Variants in PCMTD1 observed in about 807,000 individuals in gnomAD.
The protein encoded by PCMTD1 is protein-L-isoaspartate O-methyltransferase domain-containing protein 1.
In PCMTD1, 12 loss-of-function variants were observed where a neutral mutation model predicts 37.6. That is an observed-to-expected ratio of 0.32 (90% CI 0.20 to 0.52). PCMTD1 has a LOEUF of 0.52. Ranked by LOEUF, PCMTD1 falls within the 20% of genes least tolerant of loss-of-function variation. The probability of loss-of-function intolerance (pLI) is 0.97; values close to 1 mark genes in which losing one functional copy is unlikely to be tolerated. For missense variants in PCMTD1, 235 were observed against 421.3 expected (o/e 0.56, Z 3.87); for synonymous variants, 117 against 135.8 (o/e 0.86, Z 0.96).
intron 2 of PCMTD1, 46 bp from the exon 3 acceptor site, chr8:51,845,809 C>T (rs1563343660): frequency 3.0e-6 from 4 of 1,326,920 alleles, no homozygotes; most frequent in Non-Finnish European, 3.2e-6. Context: ...ATAATATGCC[C>T]TTACAGAGCT....
intron 2 of PCMTD1, among the ~76,000 whole-genome samples, chr8:51,857,282 C>T (rs954956561): frequency 2.0e-5 from 3 of 152,190 alleles, no homozygotes; most frequent in Non-Finnish European, 2.9e-5. Flanking sequence ...CTAGCAGTCT[C>T]CCCAGAGTCA....
intron 2 of PCMTD1, among the ~76,000 whole-genome samples, chr8:51,855,256 G>A (rs1313929998): frequency 6.7e-6 from 1 of 149,682 alleles, no homozygotes; most frequent in African/African-American, 2.5e-5. Context: ...AGCAAGGCAT[G>A]GTGGCTCACA....
intron 3 of PCMTD1, among the ~76,000 whole-genome samples, chr8:51,834,444 CTTTA>C (rs942935417): frequency 4.6e-4 from 70 of 152,272 alleles, no homozygotes; most frequent in African/African-American, 1.6e-3. Flanking sequence ...TGGACTTCTA[CTTTA>C]TTTCTTAAAT....
intron 1 of PCMTD1, among the ~76,000 whole-genome samples, chr8:51,884,835 T>C (rs1210790599): frequency 6.6e-6 from 1 of 152,212 alleles, no homozygotes; most frequent in Admixed American, 6.5e-5. Flanking sequence ...TGCCATCCAA[T>C]AAGCCATTGA....
intron 1 of PCMTD1, among the ~76,000 whole-genome samples, chr8:51,861,724 T>A (rs11299313): frequency 3.0e-4 from 41 of 137,476 alleles, no homozygotes; most frequent in Middle Eastern, 3.7e-3. Context: ...GTTTTTTTTT[T>A]AATTTTTTTT....
chr8:51,895,978 C>T (rs2038995899), intron 1 of PCMTD1: 2 of 117,542 alleles, frequency 1.7e-5, no homozygotes, highest in African/African-American at 6.4e-5. Flanking sequence ...CAGAGTCTCA[C>T]TCTTTTGACC....
At chr8:51,843,988 C>T (rs2038182840) in intron 3 of PCMTD1, among the ~76,000 whole-genome samples, 1 of 152,054 alleles carries the variant, frequency 6.6e-6, no homozygotes, top group Non-Finnish European at 1.5e-5. Flanking sequence ...TCAAAAAGCC[C>T]TTCTGTGTAC....
intron 5 of PCMTD1, 37 bp from the exon 6 acceptor site, chr8:51,820,755 A>G: frequency 6.6e-7 from 1 of 1,509,090 alleles, no homozygotes; most frequent in Non-Finnish European, 8.8e-7. Flanking sequence ...AGAAAATATT[A>G]ACAATAAAAC....
At chr8:51,831,266 C>A (rs1358518258) in intron 5 of PCMTD1, among the ~76,000 whole-genome samples, 178 bp downstream of exon 5, 2 of 149,552 alleles carry the variant, frequency 1.3e-5, no homozygotes, top group Non-Finnish European at 3.0e-5. Flanking sequence ...CCACTGCACT[C>A]GAGCCTGGGC....
chr8:51,887,125 C>A lies in PCMTD1; in HGVS notation c.-96+11805G>T, dbSNP rs2038875539. Among the ~76,000 whole-genome samples the A allele has an allele frequency of 2.0e-5, 3 of 152,216 alleles. No individual in the cohort carries two copies. The South Asian group carries it at 6.2e-4, about 32-fold the overall frequency. On this transcript the variant is annotated intron_variant, in intron 1 of 5. Coordinates refer to ENST00000522514, the MANE Select transcript of PCMTD1 (RefSeq NM_052937.4). ...TTACACTGGGCTTATCGGGATAATC[C>A]AGGATAATCTTCCTATCTTAAACTG...
chr8:51,894,789 CAAA>C (rs35399725), intron 1 of PCMTD1, among the ~76,000 whole-genome samples: 2 of 138,136 alleles, frequency 1.4e-5, no homozygotes. Flanking sequence ...AGTAAGATGA[CAAA>C]AAAAAAAAAA....
intron 1 of PCMTD1, among the ~76,000 whole-genome samples, chr8:51,891,485 G>A (rs910847611): frequency 1.3e-4 from 20 of 152,018 alleles, no homozygotes; most frequent in Admixed American, 1.0e-3. Context: ...GAGGTCAGGA[G>A]GTGGAGGATG....
At chr8:51,850,725 C>T (rs1023656484) in intron 2 of PCMTD1, among the ~76,000 whole-genome samples, 1 of 152,020 alleles carries the variant, frequency 6.6e-6, no homozygotes, top group African/African-American at 2.4e-5. Flanking sequence ...TAGGTTTCTA[C>T]GAAACTAATA....
At chr8:51,826,194 G>A (rs2129273776) in intron 5 of PCMTD1, among the ~76,000 whole-genome samples, 1 of 152,296 alleles carries the variant, frequency 6.6e-6, no homozygotes. Context: ...ATAAAAAAAG[G>A]ATGAGTTCAT....
At chr8:51,830,594 G>C (rs1440059992) in intron 5 of PCMTD1, among the ~76,000 whole-genome samples, 2 of 152,106 alleles carry the variant, frequency 1.3e-5, no homozygotes, top group Admixed American at 6.5e-5. Context: ...AAAGCCACCT[G>C]ACTGGCCTGC....
intron 4 of PCMTD1, among the ~76,000 whole-genome samples, chr8:51,832,300 G>T (rs2038009215): frequency 6.6e-6 from 1 of 152,162 alleles, no homozygotes; most frequent in Non-Finnish European, 1.5e-5. Context: ...TGTTTAACTG[G>T]GAGTTTAAGC....
chr8:51,897,909 C>A (rs1282416652), intron 1 of PCMTD1, among the ~76,000 whole-genome samples: 1 of 152,060 alleles, frequency 6.6e-6, no homozygotes, highest in African/African-American at 2.4e-5. Context: ...TGATCCCAAT[C>A]TTGTTTCTAA....
In PCMTD1 at chr8:51,820,402, C is replaced by T. The variant is rs1185864185; in HGVS notation, c.1023G>A (p.Leu341=). 1.2e-6 allele frequency: 2 copies of T among 1,608,716 alleles called. No homozygotes were observed. Among genetic ancestry groups the T allele is most frequent in the East Asian group, 2.2e-5 (1 of 44,756 alleles). Residue 341 remains leucine, a synonymous_variant, in exon 6 of 6, where the codon CTG becomes CTA. Coordinates refer to ENST00000522514, the MANE Select transcript of PCMTD1 (RefSeq NM_052937.4). ...QNLLREKIMK[L]PLPESLKAYL... Reference sequence around the variant, plus strand: ...AAGCTTTTAAAGATTCAGGGAGGGGCAGCTTCATGATTTTTTCTCTCAGTA... The same window carrying T: ...AAGCTTTTAAAGATTCAGGGAGGGGTAGCTTCATGATTTTTTCTCTCAGTA...
At chr8:51,867,533 GAGAA>G (rs1360051202) in intron 1 of PCMTD1, among the ~76,000 whole-genome samples, 15 of 149,870 alleles carry the variant, frequency 1.0e-4, no homozygotes, top group African/African-American at 3.7e-4. Flanking sequence ...AGGAATTTGA[GAGAA>G]AGAAGAAAAA....
Sources: allele counts gnomAD v4.1 joint callset (sites outside exome capture counted in the v4.1 genomes callset), GRCh38; gene constraint gnomAD v4.1.1; transcripts MANE v1.5; gene names NCBI Gene and HGNC (gene_info 2026-07-23, HGNC 2026-07-21).